TET1: variants seen among roughly 807,000 people sequenced by gnomAD.
TET1 encodes tet methylcytosine dioxygenase 1.
A neutral mutation model predicts 148.7 loss-of-function variants in TET1; 13 were observed. The observed-to-expected ratio is 0.09, with a 90% CI of 0.06 to 0.14. The LOEUF is 0.14. TET1 is among the 10% of genes least tolerant of loss of function. TET1 has a pLI of 1.00. For missense variants in TET1, 2,182 were observed against 2,553.8 expected (o/e 0.85, Z 3.14); for synonymous variants, 907 against 937.2 (o/e 0.97, Z 0.59).
intron 11 of TET1, among the ~76,000 whole-genome samples, chr10:68,687,879 T>C (rs1490772202): frequency 2.0e-5 from 3 of 152,126 alleles, no homozygotes; most frequent in African/African-American, 7.2e-5. Flanking sequence ...CCTGGCTTGA[T>C]TTGTTGATTA....
At chr10:68,599,457 A>G (rs2054026405) in intron 2 of TET1, among the ~76,000 whole-genome samples, 1 of 152,228 alleles carries the variant, frequency 6.6e-6, no homozygotes, top group African/African-American at 2.4e-5. Context: ...TTGCAATGCC[A>G]GGTGGCTTAA....
chr10:68,651,322 C>T (rs1048647188), intron 4 of TET1, among the ~76,000 whole-genome samples: 3 of 151,850 alleles, frequency 2.0e-5, no homozygotes, highest in African/African-American at 4.8e-5. Context: ...GGCGTGGTGG[C>T]GGGTGCCTAT....
intron 8 of TET1, chr10:68,674,598 A>G: frequency 7.7e-6 from 4 of 521,530 alleles, no homozygotes; most frequent in Non-Finnish European, 1.5e-5. Context: ...CAGGGGAATG[A>G]TTGCCTGATG....
chr10:68,661,640 T>C (rs3998856), intron 6 of TET1, among the ~76,000 whole-genome samples: 27,535 of 151,372 alleles, frequency 0.18, 3,115 homozygotes, highest in African/African-American at 0.31. Flanking sequence ...CTCACCACCA[T>C]GCCAGCTAGT....
chr10:68,643,296 A>T (rs2054788585), intron 3 of TET1, among the ~76,000 whole-genome samples: 1 of 151,198 alleles, frequency 6.6e-6, no homozygotes, highest in South Asian at 2.1e-4. Flanking sequence ...GAAAGAAAGA[A>T]ATTGAAACTA....
At chr10:68,623,489 T>C (rs912211380) in intron 3 of TET1, among the ~76,000 whole-genome samples, 2 of 152,172 alleles carry the variant, frequency 1.3e-5, no homozygotes, top group Non-Finnish European at 2.9e-5. Context: ...AATCACTTAA[T>C]AGAGTTAACA....
At position 68,669,819 on chromosome 10, in the gene TET1, TTTG is replaced by T. The variant is rs779093206; in HGVS notation, c.4673+2580_4673+2582del. ...CGCCCGCCACCACGTCCAGCTAATT[TTTG>T]TTGTTGTTGTTGTTGTATTTTTAGT... On this transcript the variant is annotated intron_variant, in intron 7 of 11. Transcript: ENST00000373644. Among the ~76,000 whole-genome samples the T allele has an allele frequency of 7.9e-5, 12 of 151,708 alleles. 1 individual carries two copies. The South Asian group carries it at 1.5e-3, about 18-fold the overall frequency.
chr10:68,651,708 A>T, intron 4 of TET1, 138 bp from the exon 5 acceptor site: 2 of 529,722 alleles, frequency 3.8e-6, no homozygotes, highest in Non-Finnish European at 6.4e-6. Context: ...CCTTGCCTTT[A>T]ATTATCAAAT....
At chr10:68,591,377 C>T (rs969769267) in intron 2 of TET1, among the ~76,000 whole-genome samples, 5 of 152,150 alleles carry the variant, frequency 3.3e-5, no homozygotes, top group African/African-American at 9.7e-5. Flanking sequence ...GCAGTGTCCT[C>T]GAACATAGCT....
intron 3 of TET1, among the ~76,000 whole-genome samples, chr10:68,643,229 T>A (rs2054786102): frequency 1.6e-5 from 2 of 122,914 alleles, no homozygotes; most frequent in Admixed American, 2.1e-4. Context: ...ACCACTGCAC[T>A]CCAGCCTGGG....
chr10:68,574,286 G>A lies in TET1; in HGVS notation c.1914+34G>A, dbSNP rs751906187. On this transcript the variant is annotated intron_variant, in intron 2 of 11. Transcript: ENST00000373644. ...ACAGTCAAGGGGCTGGGAGACAGCTGACACTTGGTATAGTGATCTATATGC... is the reference window on the plus strand; with the variant it reads ...ACAGTCAAGGGGCTGGGAGACAGCTAACACTTGGTATAGTGATCTATATGC... 75 of 1,562,560 alleles carry A rather than the reference G, an allele frequency of 4.8e-5. 1 individual carries two copies. In the South Asian group the frequency reaches 8.1e-4, roughly 17 times the overall value.
chr10:68,571,552 C>G (rs1402407504), intron 1 of TET1, among the ~76,000 whole-genome samples: 2 of 151,604 alleles, frequency 1.3e-5, no homozygotes, highest in Non-Finnish European at 2.9e-5. Flanking sequence ...AGGCGTGAGC[C>G]ACTGCGCCTG....
At chr10:68,676,221 T>C (rs1018742067) in intron 8 of TET1, among the ~76,000 whole-genome samples, 1 of 120,328 alleles carries the variant, frequency 8.3e-6, no homozygotes, top group African/African-American at 3.1e-5. Flanking sequence ...TATACACATA[T>C]ATATGTATGT....
intron 3 of TET1, among the ~76,000 whole-genome samples, chr10:68,619,216 A>T (rs1029707464): frequency 1.3e-5 from 2 of 152,066 alleles, no homozygotes. Context: ...GTATAGACAC[A>T]TGTGTCCACC....
At chr10:68,673,960 C>CTTTT (rs869073350) in intron 8 of TET1, among the ~76,000 whole-genome samples, 12 of 72,428 alleles carry the variant, frequency 1.7e-4, no homozygotes, top group African/African-American at 5.2e-4. Flanking sequence ...TTTTCTTTTT[C>CTTTT]TTTTTTTTTT....
intron 3 of TET1, among the ~76,000 whole-genome samples, chr10:68,639,150 C>CT (rs552031134): frequency 2.9e-4 from 43 of 148,446 alleles, no homozygotes; most frequent in East Asian, 5.9e-4. Flanking sequence ...TTCTTTCTTT[C>CT]TTTTTTTTTT....
At position 68,596,536 on chromosome 10, in the gene TET1, A is replaced by G. The variant is rs553173818; in HGVS notation, c.1915-4445A>G. On this transcript the variant is annotated intron_variant, in intron 2 of 11. Transcript: ENST00000373644. The stretch of plus-strand genomic sequence containing the variant: ...AATCCTGGGCTTAAGTGATCCTTCA[A>G]CCTTGGCCTCTCAAAGTGCTTGGAT... Among the ~76,000 whole-genome samples, 8 of 152,122 alleles carry G rather than the reference A, an allele frequency of 5.3e-5. No individual in the cohort carries two copies. The East Asian group carries it at 7.7e-4, about 15-fold the overall frequency.
At chr10:68,621,458 C>T (rs567630696) in intron 3 of TET1, among the ~76,000 whole-genome samples, 1 of 152,200 alleles carries the variant, frequency 6.6e-6, no homozygotes, top group East Asian at 1.9e-4. Flanking sequence ...GTGGCTTGCA[C>T]CTGTAGTTCC....
intron 5 of TET1, 60 bp from the exon 6 acceptor site, chr10:68,652,441 A>T: frequency 7.9e-7 from 1 of 1,262,208 alleles, no homozygotes; most frequent in Non-Finnish European, 1.1e-6. Context: ...TCAAAGCCAA[A>T]GCCTTCAAGT....
Sources: gnomAD v4.1 joint callset for allele counts (sites outside exome capture counted in the v4.1 genomes callset) on GRCh38, gnomAD v4.1.1 for gene constraint, MANE v1.5 for transcripts, NCBI Gene and HGNC (gene_info 2026-07-23, HGNC 2026-07-21) for gene names.